The following RBM20 variants were observed in gnomAD, a reference collection of about 807,000 sequenced individuals.
The protein encoded by RBM20 is RNA binding motif protein 20, also known as RNA-binding protein 20.
Under a neutral mutation model 110.1 loss-of-function variants are expected in RBM20, and 51 were observed. The ratio of observed to expected loss-of-function variants is 0.46; its 90% CI spans 0.37 to 0.59. The LOEUF is 0.59. Among genes scored for constraint, RBM20 ranks in the 20% least tolerant of loss-of-function variants. The pLI is 0.00. For missense variants in RBM20, 1,512 were observed against 1,574.9 expected, an observed-to-expected ratio of 0.96 and a Z score of 0.68; for synonymous variants, 589 against 618.2, an observed-to-expected ratio of 0.95 and a Z score of 0.70.
upstream of RBM20, chr10:110,644,313 C>T: frequency 3.5e-6 from 2 of 574,298 alleles, no homozygotes; most frequent in Admixed American, 8.7e-5. The surrounding 1 kb of genome is among the most constrained non-coding windows in gnomAD (Gnocchi z 4.3). Context: ...CTGCCTCCTC[C>T]CCGCCCCTCG....
intron 1 of RBM20, among the ~76,000 whole-genome samples, chr10:110,698,416 G>A (rs181155336): frequency 2.9e-4 from 44 of 152,322 alleles, no homozygotes; most frequent in African/African-American, 7.7e-4. Flanking sequence ...ACCAGGAGTT[G>A]CCCTCGCTGG....
At chr10:110,787,507 A>C (rs1844434126) in intron 5 of RBM20, among the ~76,000 whole-genome samples, 1 of 152,342 alleles carries the variant, frequency 6.6e-6, no homozygotes, top group African/African-American at 2.4e-5. Flanking sequence ...ATTTTGTCCG[A>C]GTCTTGGTAT....
chr10:110,730,139 C>T (rs1843605763), intron 1 of RBM20, among the ~76,000 whole-genome samples: 1 of 152,112 alleles, frequency 6.6e-6, no homozygotes, highest in African/African-American at 2.4e-5. Flanking sequence ...TAAGACTAGT[C>T]CCAAGCACCA....
At position 110,835,851 on chromosome 10, in the gene RBM20, C is replaced by T; in HGVS notation, c.3574-17C>T. ...ACTAACATGCCCCTTCCTCCACTTCCCCTCTTCTTTCCACAGAAATATTTG... is the reference window on the plus strand; with the variant it reads ...ACTAACATGCCCCTTCCTCCACTTCTCCTCTTCTTTCCACAGAAATATTTG... On this transcript the variant is annotated splice_polypyrimidine_tract_variant and intron_variant, in intron 13 of 13. Transcript: ENST00000369519. The T allele has an allele frequency of 6.4e-7, 1 of 1,550,518 alleles. No homozygotes were observed. The highest frequency in any genetic ancestry group is 8.7e-7 in the Non-Finnish European group (1 of 1,146,128).
intron 1 of RBM20, among the ~76,000 whole-genome samples, chr10:110,755,811 G>A (rs1229939341): frequency 2.0e-5 from 3 of 152,086 alleles, no homozygotes. Flanking sequence ...TTAATTGGTT[G>A]GCCAATAAGT....
At chr10:110,799,059 CT>C (rs1406606491) in intron 6 of RBM20, among the ~76,000 whole-genome samples, 4 of 152,152 alleles carry the variant, frequency 2.6e-5, no homozygotes, top group Non-Finnish European at 4.4e-5. Context: ...GGAAGTTTTC[CT>C]TTTTCTTTAA....
chr10:110,807,575 G>T (rs1844710487), intron 7 of RBM20, among the ~76,000 whole-genome samples: 1 of 152,182 alleles, frequency 6.6e-6, no homozygotes, highest in South Asian at 2.1e-4. Context: ...CCTGACATTG[G>T]CCTGACCTGC....
intron 1 of RBM20, among the ~76,000 whole-genome samples, chr10:110,728,424 C>T (rs1843586605): frequency 6.6e-6 from 1 of 152,150 alleles, no homozygotes; most frequent in African/African-American, 2.4e-5. Flanking sequence ...GAAAAAGCCA[C>T]ACTTTTTTTT....
At position 110,644,416 on chromosome 10, in the gene RBM20, G is replaced by C; in HGVS notation, c.-39G>C. The C allele has an allele frequency of 7.0e-7, 1 of 1,426,078 alleles. No homozygotes were observed. The highest frequency in any genetic ancestry group is 9.2e-7 in the Non-Finnish European group (1 of 1,092,038). The allele number at this position is 1,426,078 out of a possible 1,614,324, so 88.3% of individuals were successfully genotyped here. A position where few individuals can be genotyped will look rare whatever the true frequency, so the allele number is the denominator to read the frequency against. ...CGTGGCCCGGGACCGCCCCTCCCTT[G>C]AGCTCTCTCGCCGCGATCCCGGGCG... On this transcript the variant is annotated 5_prime_UTR_variant, in exon 1 of 14. Coordinates refer to ENST00000369519, the MANE Select transcript of RBM20 (RefSeq NM_001134363.3). The surrounding 1 kb of genome is among the most constrained non-coding windows in gnomAD (Gnocchi z 4.3).
intron 1 of RBM20, among the ~76,000 whole-genome samples, chr10:110,668,304 T>C (rs1180549918): frequency 2.0e-5 from 3 of 152,180 alleles, no homozygotes; most frequent in Non-Finnish European, 4.4e-5. Context: ...TATCTGACTG[T>C]GTGCGTCTTC....
intron 1 of RBM20, among the ~76,000 whole-genome samples, chr10:110,656,933 A>G (rs546835384): frequency 1.1e-4 from 17 of 151,914 alleles, no homozygotes; most frequent in African/African-American, 4.1e-4. Flanking sequence ...TACTGTGAAC[A>G]TTTTTGTACA....
chr10:110,787,592 T>A (rs1844434929), intron 5 of RBM20, among the ~76,000 whole-genome samples: 1 of 152,232 alleles, frequency 6.6e-6, no homozygotes. Flanking sequence ...TGTTTTGAGG[T>A]TCCCATGGAT....
At chr10:110,712,506 C>G (rs2134915361) in intron 1 of RBM20, among the ~76,000 whole-genome samples, 1 of 152,290 alleles carries the variant, frequency 6.6e-6, no homozygotes, top group African/African-American at 2.4e-5. Context: ...GTGGCTCACC[C>G]CTGTAATCCC....
chr10:110,655,790 A>G (rs556536286), intron 1 of RBM20, among the ~76,000 whole-genome samples: 1 of 152,360 alleles, frequency 6.6e-6, no homozygotes, highest in South Asian at 2.1e-4. Flanking sequence ...GATCTGCGAC[A>G]GGGTTTACAG....
rs149802945 is a variant in RBM20 at position 110,725,590 on chromosome 10, T to C, written c.192-55211T>C. 1.7e-3 allele frequency among the ~76,000 whole-genome samples: 255 copies of C among 152,336 alleles called. 1 individual carries two copies. Among genetic ancestry groups the C allele is most frequent in the African/African-American group, 5.9e-3 (244 of 41,576 alleles). On this transcript the variant is annotated intron_variant, in intron 1 of 13. Coordinates refer to ENST00000369519, the MANE Select transcript of RBM20 (RefSeq NM_001134363.3). Reference sequence around the variant, plus strand: ...AAGACAATCTGATTGGCCAGATTTGTCTTCTGTTTTGTGTACATGTATAAC... The same window carrying C: ...AAGACAATCTGATTGGCCAGATTTGCCTTCTGTTTTGTGTACATGTATAAC...
chr10:110,750,325 C>T (rs1843836685), intron 1 of RBM20, among the ~76,000 whole-genome samples: 2 of 152,204 alleles, frequency 1.3e-5, no homozygotes, highest in African/African-American at 4.8e-5. Flanking sequence ...GATCTTATCA[C>T]TGCCATCAGC....
At chr10:110,790,952 C>G (rs1258932974) in intron 5 of RBM20, among the ~76,000 whole-genome samples, 1 of 152,170 alleles carries the variant, frequency 6.6e-6, no homozygotes, top group Admixed American at 6.5e-5. Flanking sequence ...CGTTTTGTGA[C>G]TCTACAGTTT....
At chr10:110,807,672 A>ATCC (rs2135094764) in intron 7 of RBM20, among the ~76,000 whole-genome samples, 1 of 152,244 alleles carries the variant, frequency 6.6e-6, no homozygotes, top group African/African-American at 2.4e-5. Flanking sequence ...TGCCAAGACC[A>ATCC]TCCTCCTCCC....
At chr10:110,723,042 G>C (rs1334418932) in intron 1 of RBM20, among the ~76,000 whole-genome samples, 1 of 151,642 alleles carries the variant, frequency 6.6e-6, no homozygotes, top group African/African-American at 2.4e-5. Context: ...AACCCAGGAG[G>C]CAGAGGTTGC....
Sources: allele counts gnomAD v4.1 joint callset (sites outside exome capture counted in the v4.1 genomes callset), GRCh38; gene constraint gnomAD v4.1.1; non-coding constraint Gnocchi (gnomAD v3.1); transcripts MANE v1.5; gene names NCBI Gene and HGNC (gene_info 2026-07-23, HGNC 2026-07-21).